SPATA7: variants seen among roughly 807,000 people sequenced by gnomAD.
SPATA7 encodes spermatogenesis associated 7.
A neutral mutation model predicts 51.8 loss-of-function variants in SPATA7; 43 were observed. The observed-to-expected ratio is 0.83, with a 90% confidence interval of 0.65 to 1.07. SPATA7 has a LOEUF of 1.07. Ranked by LOEUF, SPATA7 falls within the 50% of genes least tolerant of loss-of-function variation. The pLI is 0.00. For missense variants in SPATA7, 683 were observed against 701.3 expected, an observed-to-expected ratio of 0.97 and a Z score of 0.30; for synonymous variants, 230 against 252.8, an observed-to-expected ratio of 0.91 and a Z score of 0.86.
At chr14:88,397,858 C>T (rs1164274636) in intron 4 of SPATA7, among the ~76,000 whole-genome samples, 3 of 151,870 alleles carry the variant, frequency 2.0e-5, no homozygotes, top group Non-Finnish European at 2.9e-5. Context: ...CCGAGGCAGG[C>T]GGATCACGAG....
At chr14:88,456,144 G>A (rs2077282960), downstream of SPATA7, among the ~76,000 whole-genome samples, 1 of 152,128 alleles carries the variant, frequency 6.6e-6, no homozygotes, top group Admixed American at 6.5e-5. Flanking sequence ...ATTTGGGTTG[G>A]TTCCAAGTCT....
intron 1 of SPATA7, among the ~76,000 whole-genome samples, chr14:88,387,291 G>A (rs754690349): frequency 4.1e-4 from 63 of 152,046 alleles, no homozygotes; most frequent in South Asian, 6.2e-4. Context: ...TTTAAAAATT[G>A]GGTTCATGCC....
chr14:88,402,729 T>C (rs772875122), intron 4 of SPATA7, among the ~76,000 whole-genome samples: 1 of 152,080 alleles, frequency 6.6e-6, no homozygotes, highest in Non-Finnish European at 1.5e-5. Context: ...AAAAAAAGCT[T>C]CTTGGCTTTA....
intron 4 of SPATA7, among the ~76,000 whole-genome samples, chr14:88,412,940 A>G (rs543825861): frequency 2.6e-5 from 4 of 152,322 alleles, no homozygotes; most frequent in Admixed American, 2.6e-4. Context: ...TTTAGGTCTT[A>G]CATTTAAATC....
At chr14:88,450,210 G>C (rs1289501825) in intron 3 of SPATA7, among the ~76,000 whole-genome samples, 1 of 152,038 alleles carries the variant, frequency 6.6e-6, no homozygotes, top group Non-Finnish European at 1.5e-5. Flanking sequence ...TGGGTCTCTT[G>C]AAGATAGAAT....
At chr14:88,420,781 A>G (rs757041853) in intron 5 of SPATA7, among the ~76,000 whole-genome samples, 10 of 152,150 alleles carry the variant, frequency 6.6e-5, no homozygotes, top group Non-Finnish European at 1.5e-4. Context: ...TATATCTAAA[A>G]GATAGACTTT....
chr14:88,386,057 C>T (rs985901424), intron 1 of SPATA7: 2 of 1,430,264 alleles, frequency 1.4e-6, no homozygotes, highest in Non-Finnish European at 1.8e-6. Context: ...CTGAATTTGT[C>T]GCCCTGACAC....
chr14:88,432,110 T>G lies in SPATA7; in HGVS notation c.1082+885T>G, dbSNP rs572613629. ...AAATAATAAAATAATAAAGAAGAGTTTTAGAGAAATGCAGACTTTTAATAG... is the reference window on the plus strand; with the variant it reads ...AAATAATAAAATAATAAAGAAGAGTGTTAGAGAAATGCAGACTTTTAATAG... On this transcript the variant is annotated intron_variant, in intron 9 of 11. Transcript: ENST00000393545. Among the ~76,000 whole-genome samples, 11 of 152,224 alleles carry G rather than the reference T, an allele frequency of 7.2e-5. No individual in the cohort carries two copies. In the South Asian group the frequency reaches 2.1e-3, roughly 29 times the overall value.
intron 4 of SPATA7, among the ~76,000 whole-genome samples, chr14:88,461,955 A>T (rs943398846): frequency 2.0e-5 from 3 of 152,170 alleles, no homozygotes; most frequent in Non-Finnish European, 4.4e-5. Context: ...TGTTCTAGAA[A>T]TAAACTTGTT....
intron 9 of SPATA7, chr14:88,432,546 T>C (rs2076969584): frequency 6.6e-6 from 1 of 152,222 alleles, no homozygotes; most frequent in Non-Finnish European, 1.5e-5. Flanking sequence ...ACCACAAGAT[T>C]TATGTTCACA....
chr14:88,421,824 C>G (rs1187527755), intron 5 of SPATA7, among the ~76,000 whole-genome samples: 1 of 151,844 alleles, frequency 6.6e-6, no homozygotes, highest in East Asian at 1.9e-4. Flanking sequence ...TGGCATGCAC[C>G]TGTACTCCTA....
chr14:88,386,925 G>T (rs757676925), intron 1 of SPATA7, among the ~76,000 whole-genome samples: 1 of 152,040 alleles, frequency 6.6e-6, no homozygotes, highest in Non-Finnish European at 1.5e-5. Context: ...ACCAACCTAG[G>T]TTTCAGAAAA....
At chr14:88,402,682 A>G (rs753123175) in intron 4 of SPATA7, among the ~76,000 whole-genome samples, 3 of 152,180 alleles carry the variant, frequency 2.0e-5, no homozygotes, top group Non-Finnish European at 4.4e-5. Context: ...CTTAAATATA[A>G]GGTCCTAATC....
intron 2 of SPATA7, among the ~76,000 whole-genome samples, chr14:88,392,920 C>T (rs2075782232): frequency 6.6e-6 from 1 of 151,810 alleles, no homozygotes. Context: ...ATGTAGTAAA[C>T]TGGTATGTAG....
rs1198767399 is a variant in SPATA7 at position 88,414,634 on chromosome 14, T to A, written c.239-2077T>A. 1.3e-5 allele frequency: 5 copies of A among 384,134 alleles called. No homozygotes were observed. The East Asian group carries it at 4.3e-4, about 33-fold the overall frequency. 23.8% of individuals were successfully genotyped at this position (384,134 alleles called of 1,614,324 possible). ...GTTATTCTACTTCCTCTAGTTGCAA[T>A]GTTAGATTAATTTGAGATCTTTCTG... is the stretch of plus-strand genomic sequence containing the variant. On this transcript the variant is annotated intron_variant, in intron 4 of 11. Coordinates refer to ENST00000393545, the MANE Select transcript of SPATA7 (RefSeq NM_018418.5).
At chr14:88,396,823 A>G (rs1242939238) in intron 4 of SPATA7, among the ~76,000 whole-genome samples, 5 of 149,458 alleles carry the variant, frequency 3.3e-5, no homozygotes, top group East Asian at 2.0e-4. Flanking sequence ...CATATATTCT[A>G]TTTTTAATTT....
Position 88,391,386 on chromosome 14 carries a change from G to C in SPATA7, c.25G>C (p.Ala9Pro). MDGSRRVR[A>P]TSVLPRYGPP... is the part of the protein sequence containing the mutation. Reference sequence around the variant, plus strand: ...TTTTTTTTTCTTGTTAAAAGTCAGAGCAACCTCTGTCCTTCCCAGATATGG... The same window carrying C: ...TTTTTTTTTCTTGTTAAAAGTCAGACCAACCTCTGTCCTTCCCAGATATGG... The change falls in exon 2 of 12, where the codon GCA becomes CCA. Residue 9 changes from alanine (A) to proline (P), a missense_variant. By Grantham distance (27) the Ala-to-Pro change is conservative. Transcript: ENST00000393545. The C allele has an allele frequency of 6.2e-7, 1 of 1,612,204 alleles. No individual in the cohort carries two copies. The highest frequency in any genetic ancestry group is 8.5e-7 in the Non-Finnish European group (1 of 1,179,088).
At chr14:88,461,122 G>T (rs1443477681) in intron 4 of SPATA7, among the ~76,000 whole-genome samples, 1 of 152,198 alleles carries the variant, frequency 6.6e-6, no homozygotes, top group African/African-American at 2.4e-5. Context: ...TGCCCCTACT[G>T]GGAGGTGCCT....
At chr14:88,470,287 C>T (rs1368529693) in exon 5 of SPATA7, 2 of 522,220 alleles carry the variant, frequency 3.8e-6, no homozygotes, top group Non-Finnish European at 6.8e-6. Context: ...AATATCTATG[C>T]AACCTGTTTA....
Sources: allele counts gnomAD v4.1 joint callset (sites outside exome capture counted in the v4.1 genomes callset), GRCh38; gene constraint gnomAD v4.1.1; transcripts MANE v1.5; gene names NCBI Gene and HGNC (gene_info 2026-07-23, HGNC 2026-07-21).